Variants in CHRM2 observed in about 807,000 individuals in gnomAD.
The protein encoded by CHRM2 is muscarinic acetylcholine receptor M2.
A neutral mutation model predicts 25.0 loss-of-function variants in CHRM2; 8 were observed. The observed-to-expected ratio is 0.32, with a 90% CI of 0.19 to 0.58. The LOEUF (loss-of-function observed/expected upper bound fraction) is 0.58, where lower values mean the gene tolerates loss of function less well. CHRM2 is among the 20% of genes least tolerant of loss of function. The probability of loss-of-function intolerance (pLI) is 0.88; values close to 1 mark genes in which losing one functional copy is unlikely to be tolerated. For synonymous variants in CHRM2, 202 were observed against 205.7 expected, an observed-to-expected ratio of 0.98 and a Z score of 0.15; for missense variants, 440 against 567.1, an observed-to-expected ratio of 0.78 and a Z score of 2.28.
intron 2 of CHRM2, among the ~76,000 whole-genome samples, chr7:136,891,470 GA>G (rs1796688445): frequency 6.6e-6 from 1 of 152,162 alleles, no homozygotes; most frequent in South Asian, 2.1e-4. Flanking sequence ...GACCACAGAA[GA>G]TCAAAAGTAC....
At chr7:136,993,623 C>T (rs1176064794) in intron 3 of CHRM2, among the ~76,000 whole-genome samples, 2 of 152,072 alleles carry the variant, frequency 1.3e-5, no homozygotes, top group Non-Finnish European at 1.5e-5. Context: ...GGCTTTCTGC[C>T]TGTCACTAAA....
intron 2 of CHRM2, among the ~76,000 whole-genome samples, chr7:136,919,583 T>C: frequency 6.6e-6 from 1 of 152,096 alleles, no homozygotes; most frequent in East Asian, 1.9e-4. Context: ...CAAAATCATG[T>C]TTCTACTTAC....
At chr7:136,890,947 A>C (rs549675737) in intron 2 of CHRM2, among the ~76,000 whole-genome samples, 72 of 152,220 alleles carry the variant, frequency 4.7e-4, no homozygotes, top group African/African-American at 1.7e-3. Context: ...TGTTACATTC[A>C]TCCCTACTGT....
chr7:136,914,635 C>T (rs376844420), intron 2 of CHRM2, among the ~76,000 whole-genome samples: 8 of 151,940 alleles, frequency 5.3e-5, no homozygotes, highest in African/African-American at 1.4e-4. Context: ...AAAAATGTTA[C>T]GTTTTCTGAT....
chr7:136,943,796 C>G (rs1291898094), intron 2 of CHRM2, among the ~76,000 whole-genome samples: 1 of 151,904 alleles, frequency 6.6e-6, no homozygotes, highest in Non-Finnish European at 1.5e-5. Flanking sequence ...TTATGGAGGA[C>G]ACAAAGTATC....
chr7:136,929,440 T>C (rs1347216565), intron 2 of CHRM2, among the ~76,000 whole-genome samples: 1 of 152,126 alleles, frequency 6.6e-6, no homozygotes, highest in Admixed American at 6.6e-5. Flanking sequence ...ACACAGTTGC[T>C]GCCTCCTACC....
Position 136,998,395 on chromosome 7 carries a change from T to C in CHRM2, c.-47+6131T>C, listed in dbSNP as rs375988882. On this transcript the variant is annotated intron_variant, in intron 3 of 3. Transcript: ENST00000680005. ...TAAATTCAAGAGAGATTGAGTTGTT[T>C]TCTTTTTGTAGATACACAGGGTACA... Among the ~76,000 whole-genome samples, 18 of 152,300 alleles carry C rather than the reference T, an allele frequency of 1.2e-4. No individual in the cohort carries two copies. The South Asian group carries it at 3.3e-3, about 28-fold the overall frequency.
At chr7:136,999,201 A>T (rs1391965797) in intron 3 of CHRM2, among the ~76,000 whole-genome samples, 1 of 152,078 alleles carries the variant, frequency 6.6e-6, no homozygotes, top group Non-Finnish European at 1.5e-5. Flanking sequence ...ATTACTGTTC[A>T]TTATCTTTCA....
chr7:136,904,421 G>A (rs948927882), intron 2 of CHRM2, among the ~76,000 whole-genome samples: 12 of 151,766 alleles, frequency 7.9e-5, no homozygotes, highest in Non-Finnish European at 1.5e-4. Flanking sequence ...AAAAATGCTT[G>A]TAGTATTTAT....
intron 3 of CHRM2, among the ~76,000 whole-genome samples, chr7:137,012,517 A>G (rs1804890094): frequency 6.6e-6 from 1 of 152,016 alleles, no homozygotes; most frequent in African/African-American, 2.4e-5. Flanking sequence ...TTTTGCTTAA[A>G]TAAAATTATA....
intron 2 of CHRM2, among the ~76,000 whole-genome samples, chr7:136,971,634 A>AC (rs201399339): frequency 0.023 from 3,426 of 151,172 alleles, 165 homozygotes; most frequent in African/African-American, 0.08. Context: ...AAAAAAAAAA[A>AC]AAAGACTTGC....
chr7:137,009,216 T>C (rs1158451977), intron 3 of CHRM2, among the ~76,000 whole-genome samples: 1 of 152,110 alleles, frequency 6.6e-6, no homozygotes, highest in Non-Finnish European at 1.5e-5. Context: ...TATATAATTC[T>C]CCGCTTTTAT....
intron 2 of CHRM2, among the ~76,000 whole-genome samples, chr7:136,920,517 G>A (rs1176119520): frequency 1.3e-5 from 2 of 152,088 alleles, no homozygotes; most frequent in African/African-American, 4.8e-5. Context: ...TATTGAAACT[G>A]CAGCTTAGAA....
chr7:136,896,515 G>C lies in CHRM2; in HGVS notation c.-125+27097G>C, dbSNP rs116993100. Among the ~76,000 whole-genome samples the C allele has an allele frequency of 6.6e-5, 10 of 152,198 alleles. No individual in the cohort carries two copies. In the East Asian group the frequency reaches 1.9e-3, roughly 29 times the overall value. ...AAATTGTAAGCCCATTCAACCCAGA[G>C]AGAAATAAGCCTCCAGTGCTTTTGG... On this transcript the variant is annotated intron_variant, in intron 2 of 3. Transcript: ENST00000680005.
chr7:136,915,857 CA>C lies in CHRM2; in HGVS notation c.-125+46440del, dbSNP rs920727256. Among the ~76,000 whole-genome samples the C allele has an allele frequency of 9.7e-5, 14 of 144,560 alleles. 1 individual carries two copies. Among genetic ancestry groups the C allele is most frequent in the South Asian group, 6.5e-4 (3 of 4,628 alleles). 94.8% of individuals were successfully genotyped at this position (144,560 alleles called of 152,430 possible). On this transcript the variant is annotated intron_variant, in intron 2 of 3. Coordinates refer to ENST00000680005, the MANE Select transcript of CHRM2 (RefSeq NM_001006630.2). ...AATCAGGAAGCATTTTGAAAAGAAACATTTTTTTTTTTTTTTGGTTCTTTGA... is the reference window on the plus strand; with the variant it reads ...AATCAGGAAGCATTTTGAAAAGAAACTTTTTTTTTTTTTTTGGTTCTTTGA...
intron 2 of CHRM2, among the ~76,000 whole-genome samples, chr7:136,972,752 G>C (rs866454940): frequency 1.5e-3 from 218 of 144,136 alleles, no homozygotes; most frequent in African/African-American, 4.4e-3. Context: ...GTTAGGGATG[G>C]TGGCAGGTGA....
At chr7:136,983,236 C>T (rs1273512457) in intron 2 of CHRM2, among the ~76,000 whole-genome samples, 1 of 152,132 alleles carries the variant, frequency 6.6e-6, no homozygotes, top group Admixed American at 6.5e-5. Context: ...ATCAATTCAG[C>T]TATTCATACT....
intron 2 of CHRM2, among the ~76,000 whole-genome samples, chr7:136,927,591 C>T (rs1798821911): frequency 6.6e-6 from 1 of 152,122 alleles, no homozygotes; most frequent in Non-Finnish European, 1.5e-5. Flanking sequence ...CATTAAGCCC[C>T]ATGGGGCATA....
At chr7:136,971,128 T>G (rs776944838) in intron 2 of CHRM2, among the ~76,000 whole-genome samples, 3 of 152,192 alleles carry the variant, frequency 2.0e-5, no homozygotes, top group Non-Finnish European at 4.4e-5. Flanking sequence ...TTGGAAACAT[T>G]AGAATTAGAA....
Sources: gnomAD v4.1 joint callset for allele counts (sites outside exome capture counted in the v4.1 genomes callset) on GRCh38, gnomAD v4.1.1 for gene constraint, MANE v1.5 for transcripts, NCBI Gene and HGNC (gene_info 2026-07-23, HGNC 2026-07-21) for gene names.